Variants in SLC14A2 observed in about 807,000 individuals in gnomAD.
SLC14A2 encodes urea transporter 2.
In SLC14A2, 91 loss-of-function variants were observed where a neutral mutation model predicts 104.6. The observed-to-expected ratio is 0.87, with a 90% CI of 0.73 to 1.04. The LOEUF (loss-of-function observed/expected upper bound fraction) is 1.04. Among genes scored for constraint, SLC14A2 ranks in the 50% least tolerant of loss-of-function variants. The pLI is 0.00. For synonymous variants in SLC14A2, 476 were observed against 466.4 expected, an observed-to-expected ratio of 1.02 and a Z score of -0.27; for missense variants, 1,189 against 1,156.0, an observed-to-expected ratio of 1.03 and a Z score of -0.41.
At chr18:45,664,016 T>A in intron 11 of SLC14A2, 109 bp downstream of exon 11, 1 of 1,210,208 alleles carries the variant, frequency 8.3e-7, no homozygotes, top group Non-Finnish European at 1.1e-6. Context: ...CCCGCTGGAG[T>A]CAGACTTGAC....
intron 1 of SLC14A2, among the ~76,000 whole-genome samples, chr18:45,293,673 G>C (rs2084893140): frequency 6.6e-6 from 1 of 152,172 alleles, no homozygotes; most frequent in African/African-American, 2.4e-5. Flanking sequence ...GATCTTTAAA[G>C]CGGGATTCCA....
At chr18:45,298,153 T>A (rs17815302) in intron 1 of SLC14A2, among the ~76,000 whole-genome samples, 25,694 of 151,670 alleles carry the variant, frequency 0.17, 2,197 homozygotes, top group Middle Eastern at 0.18. Flanking sequence ...TTTAAAAAAA[T>A]ATTCCTAACA....
intron 2 of SLC14A2, among the ~76,000 whole-genome samples, chr18:45,505,941 C>T (rs1435100201): frequency 1.3e-5 from 2 of 152,094 alleles, no homozygotes; most frequent in East Asian, 3.8e-4. Flanking sequence ...CTCCGCAGAA[C>T]TAGGGTGGGG....
intron 1 of SLC14A2, among the ~76,000 whole-genome samples, chr18:45,428,675 T>C (rs1280466178): frequency 6.6e-6 from 1 of 152,218 alleles, no homozygotes; most frequent in African/African-American, 2.4e-5. Flanking sequence ...ACATGTCATC[T>C]GGGTAGAGAG....
intron 1 of SLC14A2, among the ~76,000 whole-genome samples, chr18:45,255,823 G>A (rs2084471645): frequency 6.6e-6 from 1 of 152,012 alleles, no homozygotes; most frequent in African/African-American, 2.4e-5. Context: ...TGCACCCCCT[G>A]CACCCCCTTC....
intron 1 of SLC14A2, among the ~76,000 whole-genome samples, chr18:45,396,667 T>C (rs1008969857): frequency 3.3e-5 from 5 of 151,894 alleles, no homozygotes; most frequent in African/African-American, 1.2e-4. Flanking sequence ...TTTCCCTCTT[T>C]TTTTTTAACT....
upstream of SLC14A2, among the ~76,000 whole-genome samples, chr18:45,613,926 G>A (rs371874407): frequency 2.0e-5 from 3 of 152,238 alleles, no homozygotes; most frequent in Non-Finnish European, 2.9e-5. Flanking sequence ...ATTCAAGCTG[G>A]CTGCAGAAAT....
chr18:45,491,686 T>A (rs1440935248), intron 2 of SLC14A2, among the ~76,000 whole-genome samples: 1 of 152,040 alleles, frequency 6.6e-6, no homozygotes, highest in African/African-American at 2.4e-5. Flanking sequence ...CTGGTGGAAA[T>A]GAGAAGGCAG....
At chr18:45,505,668 C>T (rs1343990918) in intron 2 of SLC14A2, among the ~76,000 whole-genome samples, 2 of 151,756 alleles carry the variant, frequency 1.3e-5, no homozygotes, top group Middle Eastern at 3.4e-3. Flanking sequence ...TTCCAGTAGT[C>T]CTCGGCCCCC....
At chr18:45,228,489 T>C (rs1568110425) in intron 1 of SLC14A2, among the ~76,000 whole-genome samples, 1 of 152,114 alleles carries the variant, frequency 6.6e-6, no homozygotes, top group Admixed American at 6.5e-5. Context: ...TGTAGGGCTA[T>C]TGTAGTCTCT....
At chr18:45,180,044 G>T in the SLC14A2 span, 1 of 152,392 alleles carries the variant, frequency 6.6e-6, no homozygotes, top group Non-Finnish European at 1.5e-5. Flanking sequence ...AGACACTCAG[G>T]AGGCTGAGGT....
rs143888431 is a variant in SLC14A2 at position 45,370,302 on chromosome 18, G to C, written c.-124-112931G>C. On this transcript the variant is annotated intron_variant, in intron 1 of 20. Transcript: ENST00000586448. ...CCAAGAGACCCCAGAAGGAGAATCA[G>C]CCACAAGGGAAGATTCAGGCAGGCC... Among the ~76,000 whole-genome samples the C allele has an allele frequency of 2.0e-5, 3 of 152,308 alleles. No homozygotes were observed. The East Asian group carries it at 5.8e-4, about 29-fold the overall frequency.
intron 1 of SLC14A2, among the ~76,000 whole-genome samples, chr18:45,476,614 C>T (rs1237577978): frequency 1.3e-5 from 2 of 152,182 alleles, no homozygotes; most frequent in South Asian, 2.1e-4. Flanking sequence ...CTTTCAGGTA[C>T]ACCAGTCAAA....
chr18:45,214,791 A>G lies in SLC14A2; in HGVS notation c.-125+1600A>G, dbSNP rs373480002. ...TGTCTATAACATGTCATCATTAACAACAAACATTTATTGAACACTTACGGT... is the reference window on the plus strand; with the variant it reads ...TGTCTATAACATGTCATCATTAACAGCAAACATTTATTGAACACTTACGGT... On this transcript the variant is annotated intron_variant, in intron 1 of 20. Coordinates refer to the SLC14A2 transcript ENST00000586448. Among the ~76,000 whole-genome samples the G allele has an allele frequency of 2.6e-5, 4 of 152,126 alleles. No individual in the cohort carries two copies. In the East Asian group the frequency reaches 5.8e-4, roughly 22 times the overall value.
At chr18:45,475,651 A>AG (rs1224490181) in intron 1 of SLC14A2, among the ~76,000 whole-genome samples, 91 of 22,820 alleles carry the variant, frequency 4.0e-3, no homozygotes, top group South Asian at 0.018. Flanking sequence ...GGATATATAT[A>AG]TATATATATA....
chr18:45,345,480 C>G (rs528126373), intron 1 of SLC14A2, among the ~76,000 whole-genome samples: 21 of 152,110 alleles, frequency 1.4e-4, no homozygotes, highest in Non-Finnish European at 2.1e-4. Flanking sequence ...AAAAGCTTCC[C>G]TACAAAGGCA....
At chr18:45,311,992 G>A (rs776310532) in intron 1 of SLC14A2, among the ~76,000 whole-genome samples, 12 of 152,212 alleles carry the variant, frequency 7.9e-5, no homozygotes, top group Admixed American at 1.3e-4. Flanking sequence ...ATACCTTCAA[G>A]TGAAGAAGTC....
At chr18:45,637,933 T>A (rs562687058) in intron 6 of SLC14A2, among the ~76,000 whole-genome samples, 47 of 152,334 alleles carry the variant, frequency 3.1e-4, no homozygotes, top group Middle Eastern at 3.4e-3. Context: ...GGGAGCAGCG[T>A]GCTGGGAGGG....
intron 1 of SLC14A2, among the ~76,000 whole-genome samples, chr18:45,266,489 T>C (rs2084593436): frequency 6.6e-6 from 1 of 151,928 alleles, no homozygotes; most frequent in African/African-American, 2.4e-5. Flanking sequence ...CGAGACAGAG[T>C]TAACTACACT....
Sources: gnomAD v4.1 joint callset for allele counts (sites outside exome capture counted in the v4.1 genomes callset) on GRCh38, gnomAD v4.1.1 for gene constraint, MANE v1.5 for transcripts, NCBI Gene and HGNC (gene_info 2026-07-23, HGNC 2026-07-21) for gene names.